Variants in MICU2 observed in about 807,000 individuals in gnomAD.
The protein encoded by MICU2 is calcium uptake protein 2, mitochondrial.
A neutral mutation model predicts 60.4 loss-of-function variants in MICU2; 64 were observed. The observed-to-expected ratio is 1.06, with a 90% CI of 0.87 to 1.31. MICU2 has a LOEUF of 1.31. Ranked by LOEUF, MICU2 falls within the 50% of genes most tolerant of loss-of-function variation. The pLI is 0.00. For missense variants in MICU2, 569 were observed against 531.0 expected (o/e 1.07, Z -0.70); for synonymous variants, 201 against 175.0 (o/e 1.15, Z -1.17).
At chr13:21,566,748 GC>G in intron 2 of MICU2, 48 bp downstream of exon 2, 1 of 1,463,040 alleles carries the variant, frequency 6.8e-7, no homozygotes, top group Non-Finnish European at 9.1e-7. Flanking sequence ...AGGTTTTTCA[GC>G]CCTGAAGTCT....
chr13:21,584,164 T>C (rs914483337), intron 1 of MICU2, among the ~76,000 whole-genome samples: 3 of 151,444 alleles, frequency 2.0e-5, no homozygotes, highest in African/African-American at 2.4e-5. Context: ...CTGGGGCGGG[T>C]GGATCATGAG....
At chr13:21,494,690 A>AT (rs1403618478) in intron 11 of MICU2, among the ~76,000 whole-genome samples, 1 of 151,702 alleles carries the variant, frequency 6.6e-6, no homozygotes, top group African/African-American at 2.4e-5. Flanking sequence ...CTAGGCTATG[A>AT]TTTTTTTTCC....
At chr13:21,506,737 C>T (rs1218837204) in intron 8 of MICU2, among the ~76,000 whole-genome samples, 3 of 152,218 alleles carry the variant, frequency 2.0e-5, no homozygotes, top group Admixed American at 2.0e-4. Context: ...CTTTTCCTGT[C>T]GATGGCTGCA....
chr13:21,502,848 T>C, intron 9 of MICU2, 78 bp downstream of exon 9: 1 of 1,378,846 alleles, frequency 7.3e-7, no homozygotes, highest in Non-Finnish European at 1.0e-6. Flanking sequence ...TCTTGGTTAA[T>C]TCAGAAGTTA....
chr13:21,493,129 A>G lies in MICU2; in HGVS notation c.*120T>C. ...TTATGAATCAGAAAGCAAGTACAAG[A>G]CATGCTTATTTCACACAGAATATCA... On this transcript the variant is annotated 3_prime_UTR_variant, in exon 12 of 12. Transcript: ENST00000382374. 1.9e-6 allele frequency: 1 copy of G among 533,476 alleles called. No homozygotes were observed. Among genetic ancestry groups the G allele is most frequent in the Non-Finnish European group, 3.1e-6 (1 of 319,954 alleles). The allele number at this position is 533,476 out of a possible 1,614,324, so 33.0% of individuals were successfully genotyped here. A position where few individuals can be genotyped will look rare whatever the true frequency, so the allele number is the denominator to read the frequency against.
chr13:21,558,184 C>T lies in MICU2; in HGVS notation c.358+8613G>A, dbSNP rs574682427. On this transcript the variant is annotated intron_variant, in intron 2 of 11. Transcript: ENST00000382374. Reference sequence around the variant, plus strand: ...GCTGGATTATTTTAATGAAGACTATCGCCCCCCAGTGTTAAGCCTCTGATG... The same window carrying T: ...GCTGGATTATTTTAATGAAGACTATTGCCCCCCAGTGTTAAGCCTCTGATG... Among the ~76,000 whole-genome samples the T allele has an allele frequency of 3.3e-4, 51 of 152,282 alleles. No homozygotes were observed. In the South Asian group the frequency reaches 9.7e-3, roughly 29 times the overall value.
intron 1 of MICU2, among the ~76,000 whole-genome samples, chr13:21,587,736 A>G (rs978941525): frequency 2.0e-5 from 3 of 152,218 alleles, no homozygotes; most frequent in Non-Finnish European, 4.4e-5. Context: ...AACAGTCATT[A>G]ATTAGTACCT....
At chr13:21,575,615 T>C (rs1888207983) in intron 1 of MICU2, among the ~76,000 whole-genome samples, 1 of 149,832 alleles carries the variant, frequency 6.7e-6, no homozygotes, top group Non-Finnish European at 1.5e-5. Context: ...TCCCAGCTAC[T>C]TGGGAGGCTG....
intron 1 of MICU2, among the ~76,000 whole-genome samples, chr13:21,570,411 T>TTA (rs1888081335): frequency 6.6e-6 from 1 of 152,216 alleles, no homozygotes; most frequent in Admixed American, 6.5e-5. Flanking sequence ...TTTTAACCTT[T>TTA]TATTCATCTG....
chr13:21,529,223 G>A (rs919725565), intron 4 of MICU2, among the ~76,000 whole-genome samples: 6 of 152,214 alleles, frequency 3.9e-5, no homozygotes, highest in Non-Finnish European at 7.3e-5. Flanking sequence ...GGGGCAAAGA[G>A]AGAGAGAAAG....
chr13:21,532,831 T>C (rs985698926), intron 4 of MICU2, among the ~76,000 whole-genome samples: 2 of 152,032 alleles, frequency 1.3e-5, no homozygotes, highest in African/African-American at 4.8e-5. Context: ...TGAAATGAGC[T>C]GAATGAATGA....
chr13:21,597,199 T>C (rs181610956), intron 1 of MICU2, among the ~76,000 whole-genome samples: 2 of 152,346 alleles, frequency 1.3e-5, no homozygotes, highest in East Asian at 1.9e-4. Flanking sequence ...TAAAACATTA[T>C]AGATGTCATC....
chr13:21,596,151 T>G (rs1036565062), intron 1 of MICU2, among the ~76,000 whole-genome samples: 4 of 152,158 alleles, frequency 2.6e-5, no homozygotes, highest in Non-Finnish European at 5.9e-5. Flanking sequence ...GATTGTCACT[T>G]CCATTCAGTG....
At chr13:21,597,213 T>C (rs1166300068) in intron 1 of MICU2, among the ~76,000 whole-genome samples, 1 of 152,224 alleles carries the variant, frequency 6.6e-6, no homozygotes, top group Non-Finnish European at 1.5e-5. Flanking sequence ...TGTCATCAAT[T>C]AATTCACCCA....
intron 1 of MICU2, among the ~76,000 whole-genome samples, chr13:21,580,467 C>T (rs1460900342): frequency 1.3e-5 from 2 of 151,990 alleles, no homozygotes; most frequent in Non-Finnish European, 2.9e-5. Flanking sequence ...AAGAATAATC[C>T]TAGTTAGATC....
chr13:21,561,487 T>G (rs1243420131), intron 2 of MICU2, among the ~76,000 whole-genome samples: 1 of 152,048 alleles, frequency 6.6e-6, no homozygotes, highest in African/African-American at 2.4e-5. Context: ...GCCCTGTTGT[T>G]AGGTATACAT....
intron 9 of MICU2, 111 bp downstream of exon 9, chr13:21,502,815 A>C: frequency 1.0e-6 from 1 of 994,262 alleles, no homozygotes. Flanking sequence ...AGTTGATTTT[A>C]TATACCATCG....
intron 9 of MICU2, among the ~76,000 whole-genome samples, chr13:21,497,329 C>T (rs985477098): frequency 5.3e-5 from 8 of 152,132 alleles, no homozygotes; most frequent in African/African-American, 1.9e-4. Flanking sequence ...CGCGCCACTG[C>T]ACTCCAGCCT....
intron 1 of MICU2, among the ~76,000 whole-genome samples, chr13:21,577,315 C>T (rs184123309): frequency 1.0e-3 from 157 of 152,268 alleles, no homozygotes; most frequent in African/African-American, 3.6e-3. Context: ...CAAAGCTAAG[C>T]ATGTAATATA....
Sources: allele counts gnomAD v4.1 joint callset (sites outside exome capture counted in the v4.1 genomes callset), GRCh38; gene constraint gnomAD v4.1.1; transcripts MANE v1.5; gene names NCBI Gene and HGNC (gene_info 2026-07-23, HGNC 2026-07-21).